The following GRID2 variants were observed in gnomAD, a reference collection of about 807,000 sequenced individuals.
GRID2 encodes the protein glutamate receptor ionotropic, delta-2.
Under a neutral mutation model 114.8 loss-of-function variants are expected in GRID2, and 33 were observed. The observed-to-expected ratio is 0.29, with a 90% CI of 0.22 to 0.38. GRID2 has a LOEUF of 0.38. GRID2 is among the 10% of genes least tolerant of loss of function. The pLI, the probability that GRID2 is intolerant of heterozygous loss-of-function variation, is 1.00. For synonymous variants in GRID2, 505 were observed against 449.9 expected (o/e 1.12, Z -1.55); for missense variants, 1,184 against 1,257.7 (o/e 0.94, Z 0.89).
intron 1 of GRID2, among the ~76,000 whole-genome samples, chr4:92,541,606 G>A (rs1560699707): frequency 6.6e-6 from 1 of 152,062 alleles, no homozygotes; most frequent in East Asian, 1.9e-4. Flanking sequence ...GGGGATACAT[G>A]ATTTGGTATG....
intron 13 of GRID2, among the ~76,000 whole-genome samples, chr4:93,608,296 C>CTTTTTTTTTTTTTTATTTT (rs774334616): frequency 8.5e-6 from 1 of 117,016 alleles, no homozygotes. Context: ...ATTTTTTTTT[C>CTTTTTTTTTTTTTTATTTT]TTTTTTTTTT....
chr4:92,612,175 C>T (rs1181881503), intron 2 of GRID2, among the ~76,000 whole-genome samples: 1 of 151,366 alleles, frequency 6.6e-6, no homozygotes, highest in African/African-American at 2.4e-5. Flanking sequence ...ACTGTTTTGG[C>T]ATGGGGAAAT....
intron 9 of GRID2, among the ~76,000 whole-genome samples, chr4:93,408,561 T>A (rs1050712578): frequency 2.0e-5 from 3 of 152,192 alleles, no homozygotes; most frequent in Non-Finnish European, 4.4e-5. Flanking sequence ...TTTAATTTTT[T>A]ATATATGTGC....
intron 2 of GRID2, among the ~76,000 whole-genome samples, chr4:92,768,632 T>G (rs1324305895): frequency 6.6e-6 from 1 of 152,182 alleles, no homozygotes; most frequent in African/African-American, 2.4e-5. Context: ...GACTTACAGT[T>G]CCACATGGCT....
chr4:93,174,793 A>C (rs1241339138), intron 4 of GRID2, among the ~76,000 whole-genome samples: 1 of 152,134 alleles, frequency 6.6e-6, no homozygotes, highest in African/African-American at 2.4e-5. Flanking sequence ...ATGCCACCCA[A>C]GAGTGTGGTA....
At chr4:92,896,799 G>A (rs1335371643) in intron 2 of GRID2, among the ~76,000 whole-genome samples, 1 of 152,126 alleles carries the variant, frequency 6.6e-6, no homozygotes, top group Non-Finnish European at 1.5e-5. Flanking sequence ...CTGGAGTGCA[G>A]TGGCGCGATC....
chr4:92,794,034 C>T (rs1739724372), intron 2 of GRID2, among the ~76,000 whole-genome samples: 1 of 151,718 alleles, frequency 6.6e-6, no homozygotes, highest in South Asian at 2.1e-4. Context: ...CGATTAGTGG[C>T]CATTGTTTGG....
At chr4:92,902,904 A>G (rs1466292014) in intron 2 of GRID2, among the ~76,000 whole-genome samples, 1 of 151,970 alleles carries the variant, frequency 6.6e-6, no homozygotes, top group African/African-American at 2.4e-5. Context: ...TGGTTAACAC[A>G]TGGATCTATG....
chr4:92,477,221 A>G (rs1722365288), intron 1 of GRID2, among the ~76,000 whole-genome samples: 1 of 151,954 alleles, frequency 6.6e-6, no homozygotes, highest in African/African-American at 2.4e-5. Context: ...TTTAACTGTA[A>G]CTGTTTTGGT....
intron 14 of GRID2, among the ~76,000 whole-genome samples, chr4:93,660,106 A>T (rs1191299493): frequency 6.6e-6 from 1 of 152,154 alleles, no homozygotes; most frequent in East Asian, 1.9e-4. Context: ...GAATTTAAGA[A>T]CATTATCCAT....
intron 10 of GRID2, among the ~76,000 whole-genome samples, chr4:93,449,754 C>T (rs968379411): frequency 6.6e-6 from 1 of 151,980 alleles, no homozygotes; most frequent in African/African-American, 2.4e-5. Flanking sequence ...ATACTTTGAA[C>T]TTGCCAATGT....
intron 8 of GRID2, among the ~76,000 whole-genome samples, chr4:93,336,270 T>C (rs1230642346): frequency 6.6e-6 from 1 of 152,202 alleles, no homozygotes; most frequent in Non-Finnish European, 1.5e-5. Context: ...TATTATATTC[T>C]ATATTTTAAG....
At position 93,721,917 on chromosome 4, in the gene GRID2, T is replaced by C. The variant is rs1729406936; in HGVS notation, c.2361-47293T>C. ...AAAAAGAGGAGAAAATAATTTCTTTTTTCTTTTTTTTTTTTTTTTGAGACG... is the reference window on the plus strand; with the variant it reads ...AAAAAGAGGAGAAAATAATTTCTTTCTTCTTTTTTTTTTTTTTTTGAGACG... On this transcript the variant is annotated intron_variant, in intron 14 of 15. Coordinates refer to ENST00000282020, the MANE Select transcript of GRID2 (RefSeq NM_001510.4). Among the ~76,000 whole-genome samples, 3 of 126,062 alleles carry C rather than the reference T, an allele frequency of 2.4e-5. No homozygotes were observed. In the South Asian group the frequency reaches 8.3e-4, roughly 35 times the overall value. 82.7% of individuals were successfully genotyped at this position (126,062 alleles called of 152,430 possible).
intron 14 of GRID2, among the ~76,000 whole-genome samples, chr4:93,717,891 TTATAA>T (rs1329299921): frequency 6.6e-6 from 1 of 151,966 alleles, no homozygotes; most frequent in African/African-American, 2.4e-5. Context: ...CTTGAGAGAG[TTATAA>T]TAGAGTAAGA....
rs1752543469 is a variant in GRID2 at position 93,280,547 on chromosome 4, T to G, written c.1245+42057T>G. Among the ~76,000 whole-genome samples, 3 of 151,994 alleles carry G rather than the reference T, an allele frequency of 2.0e-5. No homozygotes were observed. The South Asian group carries it at 6.2e-4, about 31-fold the overall frequency. ...ATAATGCCTTTATCTCTTTTTTATT[T>G]TCTGTACTCTTTGGTTTTCATAAAT... On this transcript the variant is annotated intron_variant, in intron 8 of 15. Transcript: ENST00000282020.
rs184945133 is a variant in GRID2 at position 93,773,170 on chromosome 4, A to G, written c.*672A>G. ...TTAAAAGTTTTTTCTTATGTACAGT[A>G]AACTTTATCATATGGCAGAAGCCTC... On this transcript the variant is annotated 3_prime_UTR_variant, in exon 16 of 16. Transcript: ENST00000282020. The G allele has an allele frequency of 6.6e-6, 1 of 152,322 alleles. No homozygotes were observed. Among genetic ancestry groups the G allele is most frequent in the South Asian group, 2.1e-4 (1 of 4,828 alleles). 9.4% of individuals were successfully genotyped at this position (152,322 alleles called of 1,614,324 possible). A position where few individuals can be genotyped will look rare whatever the true frequency, so the allele number is the denominator to read the frequency against.
At chr4:92,397,501 A>G (rs1444951544) in intron 1 of GRID2, among the ~76,000 whole-genome samples, 3 of 152,020 alleles carry the variant, frequency 2.0e-5, no homozygotes, top group Admixed American at 1.3e-4. Context: ...ATTGTTTACT[A>G]TTGGAAAATT....
chr4:92,481,930 A>G (rs1722613818), intron 1 of GRID2, among the ~76,000 whole-genome samples: 1 of 132,534 alleles, frequency 7.5e-6, no homozygotes, highest in South Asian at 2.5e-4. Flanking sequence ...TATTGCAAAG[A>G]CATGGAATCT....
rs530093430 is a variant in GRID2 at position 93,156,633 on chromosome 4, A to G, written c.735+45680A>G. On this transcript the variant is annotated intron_variant, in intron 4 of 15. Transcript: ENST00000282020. ...TAATAGACTTATTAATGAAAATGAG[A>G]AAAACAGAGATGGATACTTTGGCAA... Among the ~76,000 whole-genome samples, 9 of 151,876 alleles carry G rather than the reference A, an allele frequency of 5.9e-5. No homozygotes were observed. In the East Asian group the frequency reaches 1.7e-3, roughly 29 times the overall value.
Sources: allele counts gnomAD v4.1 joint callset (sites outside exome capture counted in the v4.1 genomes callset), GRCh38; gene constraint gnomAD v4.1.1; transcripts MANE v1.5; gene names NCBI Gene and HGNC (gene_info 2026-07-23, HGNC 2026-07-21).